Variants in PSD observed in about 807,000 individuals in gnomAD.
PSD encodes pleckstrin and Sec7 domain containing, also known as PH and SEC7 domain-containing protein 1.
A neutral mutation model predicts 91.6 loss-of-function variants in PSD; 32 were observed. The observed-to-expected ratio is 0.35, with a 90% confidence interval of 0.26 to 0.47. PSD has a LOEUF of 0.47. Among genes scored for constraint, PSD ranks in the 20% least tolerant of loss-of-function variants. PSD has a pLI of 1.00. For missense variants in PSD, 1,099 were observed against 1,373.9 expected, an observed-to-expected ratio of 0.80 and a Z score of 3.16; for synonymous variants, 532 against 569.3, an observed-to-expected ratio of 0.93 and a Z score of 0.93.
chr10:102,417,153 C>T, intron 1 of PSD, 32 bp from the exon 2 acceptor site: 1 of 645,640 alleles, frequency 1.5e-6, no homozygotes, highest in Non-Finnish European at 2.7e-6. Context: ...ATGGGGTGAA[C>T]TGCCAAGGAG....
intron 10 of PSD, among the ~76,000 whole-genome samples, chr10:102,407,885 GCA>G (rs1430489799): frequency 2.0e-5 from 3 of 152,096 alleles, no homozygotes; most frequent in Non-Finnish European, 4.4e-5. Context: ...CTGCCCACGT[GCA>G]CACTTTGTCA....
chr10:102,411,846 C>G (rs765237497), intron 7 of PSD, 27 bp from the exon 8 acceptor site: 1 of 1,549,104 alleles, frequency 6.5e-7, no homozygotes, highest in East Asian at 2.3e-5. Context: ...AGAGGGTTGC[C>G]TAGCAACCAG....
rs775312025 is a variant in PSD, at chr10:102,404,864, A to AG, written c.2555+33dup. 82 of 1,594,668 alleles carry AG rather than the reference A, an allele frequency of 5.1e-5. No homozygotes were observed. The highest frequency in any genetic ancestry group is 6.4e-5 in the Non-Finnish European group (75 of 1,168,084). On this transcript the variant is annotated intron_variant, in intron 14 of 16. Coordinates refer to ENST00000020673, the MANE Select transcript of PSD (RefSeq NM_002779.5). This position sits in a 1 kb window ranked among gnomAD's most constrained non-coding sequence, Gnocchi z 5.7. ...GGGGAGCAGGATGGGAGGTGGGGGAAGGGGTCCGGGATGGGCAGGAGGAGG... is the reference window on the plus strand; with the variant it reads ...GGGGAGCAGGATGGGAGGTGGGGGAAGGGGGTCCGGGATGGGCAGGAGGAGG...
chr10:102,411,941 G>T, intron 7 of PSD, 122 bp from the exon 8 acceptor site: 1 of 897,198 alleles, frequency 1.1e-6, no homozygotes, highest in South Asian at 1.4e-5. Context: ...GAAAGGGGAT[G>T]AGGGTATGCA....
At chr10:102,418,461 CA>C (rs1659634936) in intron 1 of PSD, among the ~76,000 whole-genome samples, 1 of 152,110 alleles carries the variant, frequency 6.6e-6, no homozygotes, top group Non-Finnish European at 1.5e-5. Flanking sequence ...CCCTCCCCCC[CA>C]CCTACTGGGG....
rs1024510122 is a variant in PSD at position 102,410,078 on chromosome 10, AGAAACGCCCTAG to A, written c.2091+768_2091+779del. Among the ~76,000 whole-genome samples the A allele has an allele frequency of 1.3e-5, 2 of 152,334 alleles. No individual in the cohort carries two copies. Among genetic ancestry groups the A allele is most frequent in the African/African-American group, 4.8e-5 (2 of 41,574 alleles). Reference sequence around the variant, plus strand: ...CAGAAGCCCAGCACCCCAAGCTCACAGAAACGCCCTAGGACAATCCTGTGCTGTTACATGTAT... The same window carrying A: ...CAGAAGCCCAGCACCCCAAGCTCACAGACAATCCTGTGCTGTTACATGTAT... On this transcript the variant is annotated intron_variant, in intron 10 of 16. Transcript: ENST00000020673. The surrounding 1 kb of genome is among the most constrained non-coding windows in gnomAD (Gnocchi z 6.0).
In PSD at chr10:102,411,832, CA is replaced by C. The variant is rs1359913205; in HGVS notation, c.1830-14del. On this transcript the variant is annotated splice_polypyrimidine_tract_variant and intron_variant, in intron 7 of 16. Coordinates refer to ENST00000020673, the MANE Select transcript of PSD (RefSeq NM_002779.5). ...CTTCAGAAACACCCTGGAGAAGGGGCAAGAGAGGGTTGCCTAGCAACCAGGA... is the reference window on the plus strand; with the variant it reads ...CTTCAGAAACACCCTGGAGAAGGGGCAGAGAGGGTTGCCTAGCAACCAGGA... The C allele has an allele frequency of 6.3e-7, 1 of 1,597,338 alleles. No homozygotes were observed. Among genetic ancestry groups the C allele is most frequent in the Non-Finnish European group, 8.6e-7 (1 of 1,168,446 alleles).
Position 102,414,290 on chromosome 10 carries a change from A to C in PSD, c.1125-93T>G. On this transcript the variant is annotated intron_variant, in intron 4 of 16. Transcript: ENST00000020673. The surrounding 1 kb of genome is among the most constrained non-coding windows in gnomAD (Gnocchi z 5.6). ...CTCTCACACTGACTCTGCTAAGGGG[A>C]TTATCATCCCCTTTTCACTGGCTCC... 1 of 1,221,330 alleles carries C rather than the reference A, an allele frequency of 8.2e-7. No homozygotes were observed. Among genetic ancestry groups the C allele is most frequent in the Non-Finnish European group, 1.1e-6 (1 of 870,200 alleles). 75.7% of individuals were successfully genotyped at this position (1,221,330 alleles called of 1,614,324 possible).
intron 7 of PSD, 64 bp from the exon 8 acceptor site, chr10:102,411,883 G>T: frequency 8.0e-7 from 1 of 1,251,328 alleles, no homozygotes; most frequent in Non-Finnish European, 1.2e-6. Context: ...TCTCTGGGGT[G>T]ACAGGAGGCT....
At position 102,414,234 on chromosome 10, in the gene PSD, GATCACAGGGCTGGGGCAGGATT is replaced by G. The variant is rs980553817; in HGVS notation, c.1125-59_1125-38del. On this transcript the variant is annotated intron_variant, in intron 4 of 16. Transcript: ENST00000020673. The surrounding 1 kb of genome is among the most constrained non-coding windows in gnomAD (Gnocchi z 5.6). ...GGGAGAATCTCTGATTAGGGGCCCAGATCACAGGGCTGGGGCAGGATTTCACTGAACTCTCACACTGACTCTG... is the reference window on the plus strand; with the variant it reads ...GGGAGAATCTCTGATTAGGGGCCCAGTCACTGAACTCTCACACTGACTCTG... 12 of 1,545,712 alleles carry G rather than the reference GATCACAGGGCTGGGGCAGGATT, an allele frequency of 7.8e-6. No homozygotes were observed. The highest frequency in any genetic ancestry group is 1.1e-5 in the Non-Finnish European group (12 of 1,137,544).
upstream of PSD, chr10:102,418,797 G>GCCCGCCTCTCAGTCCCT: frequency 4.4e-6 from 2 of 452,272 alleles, no homozygotes; most frequent in Non-Finnish European, 8.9e-6. Flanking sequence ...CTCCAGGCCC[G>GCCCGCCTCTCAGTCCCT]CCCGCCTCTC....
Position 102,417,218 on chromosome 10 carries a change from G to A in PSD, c.-83-97C>T, listed in dbSNP as rs2061491416. 7.2e-5 allele frequency: 42 copies of A among 581,890 alleles called. No individual in the cohort carries two copies. The East Asian group carries it at 1.2e-3, about 17-fold the overall frequency. 36.0% of individuals were successfully genotyped at this position (581,890 alleles called of 1,614,324 possible). A position where few individuals can be genotyped will look rare whatever the true frequency, so the allele number is the denominator to read the frequency against. ...AGGGAAAGTTGGCTAGGGCCTCTGA[G>A]TATCAGGGACCTAGCACACCCTGGT... On this transcript the variant is annotated intron_variant, in intron 1 of 16. Transcript: ENST00000020673.
At chr10:102,408,290 CCA>C (rs1272648757) in intron 10 of PSD, among the ~76,000 whole-genome samples, 2 of 152,216 alleles carry the variant, frequency 1.3e-5, no homozygotes, top group Non-Finnish European at 2.9e-5. Flanking sequence ...TCCCAACAAA[CCA>C]CAGTCTCTGA....
At chr10:102,412,108 C>G (rs573699455) in intron 7 of PSD, 39 bp downstream of exon 7, 2 of 1,598,142 alleles carry the variant, frequency 1.3e-6, no homozygotes, top group Non-Finnish European at 1.7e-6. Context: ...ACACGAACCC[C>G]GGAGAGTGGG....
Position 102,404,681 on chromosome 10 carries a change from C to T in PSD, c.2602G>A (p.Ala868Thr). The T allele has an allele frequency of 6.2e-7, 1 of 1,607,492 alleles. No homozygotes were observed. Among genetic ancestry groups the T allele is most frequent in the East Asian group, 2.2e-5 (1 of 44,838 alleles). ...AAGGGGGGCGCAGAGAACATAGCGG[C>T]TACTACATTGATGCGAGTGATCCAG... ...QSWITRINVV[A>T]AMFSAPPFPA... The change falls in exon 15 of 17, where the codon GCC becomes ACC. Residue 868 changes from alanine (A) to threonine (T), a missense_variant. Ala to Thr is a moderately conservative substitution (Grantham distance 58, BLOSUM62 0). Around this residue, in one of 3 missense-constraint regions of PSD, gnomAD observed 358 missense variants for 426.5 expected, o/e 0.84. Transcript: ENST00000020673. This position sits in a 1 kb window ranked among gnomAD's most constrained non-coding sequence, Gnocchi z 5.7.
In PSD at chr10:102,409,311, G is replaced by A. The variant is rs969463934; in HGVS notation, c.2091+1547C>T. ...GCTAGAGCGGGAGGGGGGCGCCGAC[G>A]GGAAAGGGAGGGCGAGGGCTGGGGG... On this transcript the variant is annotated intron_variant, in intron 10 of 16. Transcript: ENST00000020673. The surrounding 1 kb of genome is among the most constrained non-coding windows in gnomAD (Gnocchi z 5.7). 2 of 985,320 alleles carry A rather than the reference G, an allele frequency of 2.0e-6. No homozygotes were observed. The highest frequency in any genetic ancestry group is 1.7e-5 in the African/African-American group (1 of 57,210). The allele number at this position is 985,320 out of a possible 1,614,324, so 61.0% of individuals were successfully genotyped here. A position where few individuals can be genotyped will look rare whatever the true frequency, so the allele number is the denominator to read the frequency against.
chr10:102,408,776 C>T (rs947143589), intron 10 of PSD: 8 of 653,270 alleles, frequency 1.2e-5, no homozygotes, highest in Non-Finnish European at 1.5e-5. Context: ...CTCTGGCTGC[C>T]CATGACCTCT....
At chr10:102,411,535 A>G (rs2135456443) in intron 8 of PSD, among the ~76,000 whole-genome samples, 172 bp downstream of exon 8, 1 of 152,334 alleles carries the variant, frequency 6.6e-6, no homozygotes, top group African/African-American at 2.4e-5. Context: ...ATAGTTCCAC[A>G]TACATGCAGC....
Position 102,405,379 on chromosome 10 carries a change from G to A in PSD, c.2293C>T (p.Arg765Ter). Residue 765 changes from arginine to a stop codon, truncating the protein, a stop_gained, in exon 12 of 17, where the codon CGA (arginine) becomes TGA (stop). Coordinates refer to ENST00000020673, the MANE Select transcript of PSD (RefSeq NM_002779.5). LOFTEE classifies it high-confidence loss of function. The surrounding 1 kb of genome is among the most constrained non-coding windows in gnomAD (Gnocchi z 5.4). ...AAVYKHGALV[R>*]KVHADPDCRK... ...CAGTCAGGGTCTGCGTGCACCTTTC[G>A]CACCAGGGCCCCGTGCTTGTAGACG... 6.2e-7 allele frequency: 1 copy of A among 1,613,300 alleles called. No individual in the cohort carries two copies. The highest frequency in any genetic ancestry group is 8.5e-7 in the Non-Finnish European group (1 of 1,179,934).
Sources: gnomAD v4.1 joint callset for allele counts (sites outside exome capture counted in the v4.1 genomes callset) on GRCh38, gnomAD v4.1.1 for gene constraint, gnomAD v4.1.1 regional missense constraint, Gnocchi (gnomAD v3.1) non-coding constraint, MANE v1.5 for transcripts, NCBI Gene and HGNC (gene_info 2026-07-23, HGNC 2026-07-21) for gene names.